SLC1A3: variants seen among roughly 807,000 people sequenced by gnomAD.
SLC1A3 encodes solute carrier family 1 member 3.
In SLC1A3, 21 loss-of-function variants were observed where a neutral mutation model predicts 48.1. The observed-to-expected ratio is 0.44, with a 90% confidence interval of 0.31 to 0.63. The LOEUF (loss-of-function observed/expected upper bound fraction) is 0.63. Among genes scored for constraint, SLC1A3 ranks in the 20% least tolerant of loss-of-function variants. The pLI, the probability that SLC1A3 is intolerant of heterozygous loss-of-function variation, is 0.08. For missense variants in SLC1A3, 546 were observed against 689.0 expected (o/e 0.79, Z 2.32); for synonymous variants, 239 against 251.4 (o/e 0.95, Z 0.47).
chr5:36,628,900 A>T (rs1740017844), intron 2 of SLC1A3, among the ~76,000 whole-genome samples: 1 of 152,322 alleles, frequency 6.6e-6, no homozygotes, highest in East Asian at 1.9e-4. Flanking sequence ...TGTCAAGACC[A>T]TGTAGACAGA....
In SLC1A3 at chr5:36,608,391, T is replaced by C; in HGVS notation, c.-33T>C. ...TGTGGGTGATTCCCAGACACTGAAG[T>C]GCAAAGAAGAGACCCTCCTAGAAAA... On this transcript the variant is annotated 5_prime_UTR_variant, in exon 2 of 10. Transcript: ENST00000265113. The C allele has an allele frequency of 6.2e-7, 1 of 1,609,148 alleles. No homozygotes were observed. The highest frequency in any genetic ancestry group is 1.3e-5 in the African/African-American group (1 of 74,856).
chr5:36,657,052 C>G (rs1340369329), intron 3 of SLC1A3, among the ~76,000 whole-genome samples: 1 of 152,184 alleles, frequency 6.6e-6, no homozygotes, highest in East Asian at 1.9e-4. Flanking sequence ...ATATGAATAA[C>G]TTCTGTTTGT....
intron 2 of SLC1A3, among the ~76,000 whole-genome samples, chr5:36,621,206 G>A (rs1262080296): frequency 1.3e-5 from 2 of 151,954 alleles, no homozygotes; most frequent in Admixed American, 6.6e-5. Flanking sequence ...ACGCCTGGCC[G>A]AACTAAATCT....
chr5:36,643,138 A>G (rs1046814692), intron 3 of SLC1A3, among the ~76,000 whole-genome samples: 3 of 152,164 alleles, frequency 2.0e-5, no homozygotes, highest in Non-Finnish European at 2.9e-5. Flanking sequence ...TTGAACATTC[A>G]TGGACATACA....
intron 2 of SLC1A3, chr5:36,613,253 A>G (rs1005281136): frequency 5.3e-6 from 1 of 188,812 alleles, no homozygotes; most frequent in Non-Finnish European, 1.1e-5. Flanking sequence ...TCAAGTGAAT[A>G]AGGATCAGTG....
At chr5:36,617,668 C>T (rs1052307429) in intron 2 of SLC1A3, among the ~76,000 whole-genome samples, 16 of 151,896 alleles carry the variant, frequency 1.1e-4, no homozygotes, top group African/African-American at 3.4e-4. Context: ...GTATACATAG[C>T]CCACTTTTCA....
chr5:36,670,110 T>G (rs1741926586), intron 3 of SLC1A3, among the ~76,000 whole-genome samples: 1 of 151,896 alleles, frequency 6.6e-6, no homozygotes, highest in South Asian at 2.1e-4. Flanking sequence ...CTTTTGAGAG[T>G]TTTTTGTCTT....
chr5:36,674,306 T>C (rs1742115102), intron 5 of SLC1A3, among the ~76,000 whole-genome samples: 1 of 152,178 alleles, frequency 6.6e-6, no homozygotes. Context: ...CAGTGTGTCT[T>C]GCATACAAAT....
intron 2 of SLC1A3, among the ~76,000 whole-genome samples, chr5:36,615,475 G>A (rs1302205068): frequency 6.6e-6 from 1 of 152,132 alleles, no homozygotes; most frequent in African/African-American, 2.4e-5. Context: ...GGTCTCTCCA[G>A]TCTAACAAAT....
chr5:36,618,852 T>A (rs928855842), intron 2 of SLC1A3, among the ~76,000 whole-genome samples: 1 of 152,236 alleles, frequency 6.6e-6, no homozygotes, highest in Non-Finnish European at 1.5e-5. Flanking sequence ...AGAAGATTTT[T>A]AAAAATAACA....
At chr5:36,599,596 G>A (rs1182686018) in intron 1 of SLC1A3, among the ~76,000 whole-genome samples, 2 of 131,248 alleles carry the variant, frequency 1.5e-5, no homozygotes, top group Non-Finnish European at 3.1e-5. Flanking sequence ...TGCAAGCTCC[G>A]CCTCCAGGGT....
chr5:36,615,686 G>A (rs1739401683), intron 2 of SLC1A3, among the ~76,000 whole-genome samples: 1 of 152,238 alleles, frequency 6.6e-6, no homozygotes, highest in South Asian at 2.1e-4. Context: ...ATAAGATTGT[G>A]AAGAGCCTAA....
rs779437172 is a variant in SLC1A3, at chr5:36,629,458, C to A, written c.190C>A (p.Leu64Ile). ...TVTAVIVGTI[L>I]GFTLRPYRMS... is the part of the protein sequence containing the mutation. ...TTTTTTTTTTCCTTCAGGTACAATC[C>A]TTGGATTTACCCTCCGACCATACAG... The change falls in exon 3 of 10, where the codon CTT becomes ATT. Residue 64 changes from leucine (L) to isoleucine (I), a missense_variant. This residue lies in a region of SLC1A3 where 348 missense variants were observed against 392.0 expected (regional missense o/e 0.89). Coordinates refer to ENST00000265113, the MANE Select transcript of SLC1A3 (RefSeq NM_004172.5). 14 of 1,604,360 alleles carry A rather than the reference C, an allele frequency of 8.7e-6. No homozygotes were observed. In the South Asian group the frequency reaches 1.5e-4, roughly 18 times the overall value.
chr5:36,664,333 A>G (rs1288527580), intron 3 of SLC1A3, among the ~76,000 whole-genome samples: 1 of 152,056 alleles, frequency 6.6e-6, no homozygotes, highest in African/African-American at 2.4e-5. Flanking sequence ...GGGTTTCACT[A>G]TGTTGGCCAG....
chr5:36,601,609 C>T (rs937163959), upstream of SLC1A3, among the ~76,000 whole-genome samples: 5 of 152,100 alleles, frequency 3.3e-5, 1 homozygote, highest in African/African-American at 9.7e-5. Flanking sequence ...CATTCATCCT[C>T]GCTTCCCAAC....
At chr5:36,645,657 C>A (rs1287894204) in intron 3 of SLC1A3, among the ~76,000 whole-genome samples, 1 of 152,050 alleles carries the variant, frequency 6.6e-6, no homozygotes, top group African/African-American at 2.4e-5. Context: ...ACAAAAAAGG[C>A]CAAAGTGAAG....
intron 3 of SLC1A3, among the ~76,000 whole-genome samples, chr5:36,642,495 T>C (rs1332279761): frequency 6.6e-6 from 1 of 152,210 alleles, no homozygotes; most frequent in Non-Finnish European, 1.5e-5. Flanking sequence ...AAATTATTTC[T>C]TGGTATTGAT....
chr5:36,610,741 C>T (rs1739159259), intron 2 of SLC1A3, among the ~76,000 whole-genome samples: 1 of 152,156 alleles, frequency 6.6e-6, no homozygotes, highest in Non-Finnish European at 1.5e-5. Context: ...TGGGATCATT[C>T]CTCACCCAGT....
chr5:36,668,163 G>A (rs1741836746), intron 3 of SLC1A3: 1 of 152,214 alleles, frequency 6.6e-6, no homozygotes, highest in African/African-American at 2.4e-5. Flanking sequence ...AAGTGATTTA[G>A]TACTTTAACC....
Sources: gnomAD v4.1 joint callset for allele counts (sites outside exome capture counted in the v4.1 genomes callset) on GRCh38, gnomAD v4.1.1 for gene constraint, gnomAD v4.1.1 regional missense constraint, MANE v1.5 for transcripts, NCBI Gene and HGNC (gene_info 2026-07-23, HGNC 2026-07-21) for gene names.